The following TMCC1 variants were observed in gnomAD, a reference collection of about 807,000 sequenced individuals.
TMCC1 encodes the protein transmembrane and coiled-coil domain family 1.
Under a neutral mutation model 52.4 loss-of-function variants are expected in TMCC1, and 15 were observed. That is an observed-to-expected ratio of 0.29 (90% CI 0.19 to 0.44). TMCC1 has a LOEUF of 0.44. Among genes scored for constraint, TMCC1 ranks in the 20% least tolerant of loss-of-function variants. The probability of loss-of-function intolerance (pLI) is 1.00; values close to 1 mark genes in which losing one functional copy is unlikely to be tolerated. For missense variants in TMCC1, 503 were observed against 806.0 expected, an observed-to-expected ratio of 0.62 and a Z score of 4.55; for synonymous variants, 279 against 301.9, an observed-to-expected ratio of 0.92 and a Z score of 0.79.
intron 4 of TMCC1, among the ~76,000 whole-genome samples, chr3:129,695,114 A>AAG (rs1367449902): frequency 4.8e-5 from 5 of 103,458 alleles, no homozygotes; most frequent in African/African-American, 1.6e-4. Flanking sequence ...AAAAAAAAAA[A>AAG]AAAAAAAAAA....
At chr3:129,855,140 AG>A (rs2060094718) in intron 2 of TMCC1, among the ~76,000 whole-genome samples, 1 of 152,238 alleles carries the variant, frequency 6.6e-6, no homozygotes, top group African/African-American at 2.4e-5. Context: ...AAGATAATGA[AG>A]TTTACTTATG....
chr3:129,822,597 G>C (rs1460715854), intron 4 of TMCC1, among the ~76,000 whole-genome samples: 1 of 152,126 alleles, frequency 6.6e-6, no homozygotes, highest in East Asian at 1.9e-4. Context: ...TTTCCTGCTT[G>C]AAAGAACTGG....
At chr3:129,759,386 T>G (rs1165870382) in intron 4 of TMCC1, among the ~76,000 whole-genome samples, 1 of 150,514 alleles carries the variant, frequency 6.6e-6, no homozygotes, top group Non-Finnish European at 1.5e-5. Context: ...TCCTGCCTCA[T>G]CCTCCCAAGC....
At chr3:129,719,269 G>A (rs947686109) in intron 4 of TMCC1, among the ~76,000 whole-genome samples, 14 of 152,182 alleles carry the variant, frequency 9.2e-5, no homozygotes, top group Non-Finnish European at 1.8e-4. Flanking sequence ...AACCCAAAAG[G>A]ACAGGGTTAG....
chr3:129,878,244 G>A (rs549906315), intron 2 of TMCC1, among the ~76,000 whole-genome samples: 16 of 152,216 alleles, frequency 1.1e-4, no homozygotes, highest in Admixed American at 4.6e-4. Context: ...GATTACAGGC[G>A]TGAGCCACTG....
At chr3:129,788,891 C>G (rs181815427) in intron 4 of TMCC1, among the ~76,000 whole-genome samples, 151 of 152,258 alleles carry the variant, frequency 9.9e-4, no homozygotes, top group African/African-American at 3.4e-3. Flanking sequence ...TTCTAGAAAG[C>G]AGATAGACAT....
intron 4 of TMCC1, among the ~76,000 whole-genome samples, chr3:129,733,731 G>A (rs967763680): frequency 3.9e-5 from 6 of 152,110 alleles, no homozygotes; most frequent in African/African-American, 1.4e-4. Context: ...ATTTCATTCA[G>A]AATAGCCTAC....
intron 4 of TMCC1, among the ~76,000 whole-genome samples, chr3:129,681,938 A>T (rs926510720): frequency 1.3e-5 from 2 of 151,626 alleles, no homozygotes; most frequent in African/African-American, 4.8e-5. Flanking sequence ...TTAAAAAATA[A>T]ATAAAATAAA....
At chr3:129,763,685 A>ATG (rs1266550726) in intron 4 of TMCC1, among the ~76,000 whole-genome samples, 4 of 151,876 alleles carry the variant, frequency 2.6e-5, no homozygotes, top group Non-Finnish European at 5.9e-5. Context: ...TATTGTTCAT[A>ATG]ACCATCCCTG....
chr3:129,667,738 C>T (rs1207599359), intron 5 of TMCC1, among the ~76,000 whole-genome samples: 2 of 152,136 alleles, frequency 1.3e-5, no homozygotes, highest in South Asian at 2.1e-4. Context: ...ATTATGTCTC[C>T]GACTTACACT....
At chr3:129,871,602 T>A (rs1405282663) in intron 2 of TMCC1, among the ~76,000 whole-genome samples, 3 of 152,152 alleles carry the variant, frequency 2.0e-5, no homozygotes, top group Non-Finnish European at 2.9e-5. Flanking sequence ...TAACCACAAC[T>A]AAGCTCTACA....
At chr3:129,799,919 T>TTTTA (rs2057079578) in intron 4 of TMCC1, among the ~76,000 whole-genome samples, 1 of 151,948 alleles carries the variant, frequency 6.6e-6, no homozygotes, top group African/African-American at 2.4e-5. Context: ...ACATTCACTG[T>TTTTA]TATATATATA....
intron 6 of TMCC1, among the ~76,000 whole-genome samples, chr3:129,653,475 G>A (rs542822112): frequency 1.4e-4 from 21 of 152,274 alleles, no homozygotes; most frequent in African/African-American, 3.4e-4. Context: ...ACGGAGTCTC[G>A]CTCTGTCACC....
chr3:129,841,547 C>T (rs933373413), intron 2 of TMCC1, among the ~76,000 whole-genome samples: 2 of 152,118 alleles, frequency 1.3e-5, no homozygotes, highest in African/African-American at 4.8e-5. Context: ...CGTGTCATTG[C>T]ACTCCAGCCT....
chr3:129,793,114 G>A (rs2056585503), intron 4 of TMCC1, among the ~76,000 whole-genome samples: 1 of 152,074 alleles, frequency 6.6e-6, no homozygotes, highest in African/African-American at 2.4e-5. Context: ...GACATTGAAA[G>A]AGCAACAAAA....
At chr3:129,886,375 T>C (rs564723194) in intron 1 of TMCC1, among the ~76,000 whole-genome samples, 43 of 152,186 alleles carry the variant, frequency 2.8e-4, no homozygotes, top group Non-Finnish European at 5.1e-4. Flanking sequence ...CTTTATATGA[T>C]AATAAACTTA....
intron 4 of TMCC1, among the ~76,000 whole-genome samples, chr3:129,682,655 T>C (rs984024728): frequency 3.3e-5 from 5 of 152,148 alleles, no homozygotes; most frequent in Non-Finnish European, 5.9e-5. Context: ...CTAATGGCTA[T>C]TTCTACATGA....
intron 4 of TMCC1, among the ~76,000 whole-genome samples, chr3:129,806,890 CAG>C (rs2057496414): frequency 6.6e-6 from 1 of 150,546 alleles, no homozygotes; most frequent in South Asian, 2.1e-4. Flanking sequence ...GAACAAAAGA[CAG>C]AGAGAAAATA....
chr3:129,850,177 C>G (rs903459337), intron 2 of TMCC1, among the ~76,000 whole-genome samples: 2 of 152,126 alleles, frequency 1.3e-5, no homozygotes, highest in Admixed American at 6.5e-5. Context: ...ATGTCCTATT[C>G]TCCTCTGTCC....
Sources: gnomAD v4.1 joint callset for allele counts (sites outside exome capture counted in the v4.1 genomes callset) on GRCh38, gnomAD v4.1.1 for gene constraint, MANE v1.5 for transcripts, NCBI Gene and HGNC (gene_info 2026-07-23, HGNC 2026-07-21) for gene names.